NFATC1: variants seen among roughly 807,000 people sequenced by gnomAD.
NFATC1 encodes the protein nuclear factor of activated T-cells, cytoplasmic 1.
A neutral mutation model predicts 76.0 loss-of-function variants in NFATC1; 22 were observed. That is an observed-to-expected ratio of 0.29 (90% CI 0.21 to 0.41). The LOEUF is 0.41. Among genes scored for constraint, NFATC1 ranks in the 10% least tolerant of loss-of-function variants. The pLI is 1.00. For missense variants in NFATC1, 1,357 were observed against 1,337.7 expected, an observed-to-expected ratio of 1.01 and a Z score of -0.23; for synonymous variants, 704 against 613.1, an observed-to-expected ratio of 1.15 and a Z score of -2.19.
intron 9 of NFATC1, among the ~76,000 whole-genome samples, chr18:79,517,918 CTACTTAA>C (rs1555924482): frequency 5.9e-5 from 9 of 152,216 alleles, no homozygotes; most frequent in Non-Finnish European, 4.4e-5. Context: ...TTCATCTGTG[CTACTTAA>C]ACTTTTTAAC....
At chr18:79,446,493 C>T (rs926154444) in intron 3 of NFATC1, among the ~76,000 whole-genome samples, 6 of 152,236 alleles carry the variant, frequency 3.9e-5, no homozygotes, top group Admixed American at 3.9e-4. Context: ...TACTGCGTGG[C>T]AGAATCCGCC....
At chr18:79,421,276 C>G (rs1268517519) in intron 2 of NFATC1, 1 of 152,360 alleles carries the variant, frequency 6.6e-6, no homozygotes, top group African/African-American at 2.4e-5. Context: ...GGCCACTGTT[C>G]CCAGAACTCG....
Position 79,448,896 on chromosome 18 carries a change from A to G in NFATC1, c.1501A>G (p.Thr501Ala), listed in dbSNP as rs767761398. Residue 501 changes from threonine (T) to alanine (A), a missense_variant, in exon 4 of 10, where the codon ACC becomes GCC. Thr to Ala is a moderately conservative substitution (Grantham distance 58). This residue lies in a region of NFATC1 where 242 missense variants were observed against 329.2 expected (regional missense o/e 0.74). Transcript: ENST00000427363. ...FYQVHRITGK[T>A]VSTTSHEAIL... ...CCAGGTGCACCGCATCACAGGGAAG[A>G]CCGTGTCCACCACCAGCCACGAGGC... 1.9e-6 allele frequency: 3 copies of G among 1,613,626 alleles called. No homozygotes were observed. Among genetic ancestry groups the G allele is most frequent in the Admixed American group, 1.7e-5 (1 of 60,026 alleles).
At chr18:79,481,928 C>A (rs560823673) in intron 8 of NFATC1, among the ~76,000 whole-genome samples, 2 of 141,942 alleles carry the variant, frequency 1.4e-5, no homozygotes, top group African/African-American at 5.6e-5. Flanking sequence ...TCCAGTGTGA[C>A]GTGGTCCTGG....
At chr18:79,454,456 G>A (rs1453629230) in intron 6 of NFATC1, among the ~76,000 whole-genome samples, 7 of 152,230 alleles carry the variant, frequency 4.6e-5, no homozygotes, top group Non-Finnish European at 1.0e-4. Context: ...GCCTCATGAG[G>A]AAGGGAGTCC....
rs2088474266 is a variant in NFATC1 at position 79,465,994 on chromosome 18, GCTT to G, written c.1960-1451_1960-1449del. Among the ~76,000 whole-genome samples the G allele has an allele frequency of 6.6e-6, 1 of 152,216 alleles. No individual in the cohort carries two copies. On this transcript the variant is annotated intron_variant, in intron 7 of 9. Transcript: ENST00000427363. This position sits in a 1 kb window ranked among gnomAD's most constrained non-coding sequence, Gnocchi z 4.2. ...AAGACGCCCATGTGCCATGGCTTCT[GCTT>G]CTTCCCAATGAACTGCAGTTAATTA...
At chr18:79,471,005 G>A in intron 8 of NFATC1, 1 of 152,360 alleles carries the variant, frequency 6.6e-6, no homozygotes, top group Non-Finnish European at 1.5e-5. Context: ...AGTCCTGCCG[G>A]CCGCCCCTCC....
chr18:79,483,730 T>TC lies in NFATC1; in HGVS notation c.2093-2518_2093-2517insC, dbSNP rs1369170516. On this transcript the variant is annotated intron_variant, in intron 8 of 9. Coordinates refer to ENST00000427363, the MANE Select transcript of NFATC1 (RefSeq NM_001278669.2). ...CCTGGGGTGTAATTCCAGCGTGACC[T>TC]GGTCCTGGGGTGTCACTCCAGCGTG... Among the ~76,000 whole-genome samples, 14 of 145,172 alleles carry TC rather than the reference T, an allele frequency of 9.6e-5. No individual in the cohort carries two copies. In the South Asian group the frequency reaches 2.2e-3, roughly 23 times the overall value.
chr18:79,401,592 C>T (rs2085259181), intron 1 of NFATC1, among the ~76,000 whole-genome samples: 1 of 152,232 alleles, frequency 6.6e-6, no homozygotes, highest in African/African-American at 2.4e-5. Context: ...TGGTTCCAGT[C>T]CTCCCCGGCT....
intron 6 of NFATC1, among the ~76,000 whole-genome samples, chr18:79,455,314 C>T (rs1470310253): frequency 1.1e-4 from 16 of 152,226 alleles, no homozygotes; most frequent in Admixed American, 1.3e-4. Flanking sequence ...GGTGGGGCTG[C>T]ACGGGTCTCG....
intron 8 of NFATC1, among the ~76,000 whole-genome samples, chr18:79,482,873 C>G: frequency 7.4e-6 from 1 of 134,406 alleles, no homozygotes; most frequent in East Asian, 2.3e-4. Context: ...TCCAGCGTGA[C>G]CTGGTTCCTG....
At chr18:79,510,242 G>A (rs8084443) in intron 9 of NFATC1, among the ~76,000 whole-genome samples, 11 of 152,136 alleles carry the variant, frequency 7.2e-5, no homozygotes, top group South Asian at 4.1e-4. Flanking sequence ...TCATGCCCCC[G>A]TGCGGAAACT....
intron 2 of NFATC1, among the ~76,000 whole-genome samples, chr18:79,433,072 C>A (rs985964944): frequency 6.6e-5 from 10 of 152,238 alleles, no homozygotes; most frequent in African/African-American, 2.2e-4. Flanking sequence ...TCAGTCAGGG[C>A]CTTCTGTTTG....
intron 8 of NFATC1, among the ~76,000 whole-genome samples, chr18:79,473,947 C>T (rs1313030368): frequency 7.1e-6 from 1 of 141,086 alleles, no homozygotes; most frequent in Non-Finnish European, 1.5e-5. Context: ...ACATTGTAAA[C>T]CTGAGGGAAG....
At chr18:79,513,635 G>C (rs979437096) in intron 9 of NFATC1, among the ~76,000 whole-genome samples, 1 of 152,372 alleles carries the variant, frequency 6.6e-6, no homozygotes, top group East Asian at 1.9e-4. Flanking sequence ...TCTTCAAGGC[G>C]AGTGTCCCTG....
intron 6 of NFATC1, among the ~76,000 whole-genome samples, chr18:79,453,837 A>G (rs989418759): frequency 2.0e-5 from 3 of 152,266 alleles, no homozygotes; most frequent in Non-Finnish European, 2.9e-5. Context: ...AGCACATTCC[A>G]TGTTTTCAAA....
At chr18:79,443,701 C>T (rs928529406) in intron 3 of NFATC1, among the ~76,000 whole-genome samples, 2 of 152,212 alleles carry the variant, frequency 1.3e-5, no homozygotes, top group African/African-American at 4.8e-5. Flanking sequence ...ATCCTTCTGC[C>T]GACGGCATCT....
intron 9 of NFATC1, among the ~76,000 whole-genome samples, chr18:79,488,707 C>T (rs1422359945): frequency 6.6e-6 from 1 of 152,240 alleles, no homozygotes; most frequent in African/African-American, 2.4e-5. Flanking sequence ...TGGACGCTGA[C>T]ATCCATGCCT....
chr18:79,475,483 G>A (rs996140880), intron 8 of NFATC1, among the ~76,000 whole-genome samples: 1 of 148,726 alleles, frequency 6.7e-6, no homozygotes, highest in South Asian at 2.1e-4. Flanking sequence ...GTGTTTTCAC[G>A]CTCACTGTCG....
Sources: gnomAD v4.1 joint callset for allele counts (sites outside exome capture counted in the v4.1 genomes callset) on GRCh38, gnomAD v4.1.1 for gene constraint, gnomAD v4.1.1 regional missense constraint, Gnocchi (gnomAD v3.1) non-coding constraint, MANE v1.5 for transcripts, NCBI Gene and HGNC (gene_info 2026-07-23, HGNC 2026-07-21) for gene names.